The following EFL1 variants were observed in gnomAD, a reference collection of about 807,000 sequenced individuals.
EFL1 encodes elongation factor like GTPase 1.
Under a neutral mutation model 126.7 loss-of-function variants are expected in EFL1, and 76 were observed. The observed-to-expected ratio is 0.60, with a 90% CI of 0.50 to 0.73. The LOEUF (loss-of-function observed/expected upper bound fraction) is 0.73. Among genes scored for constraint, EFL1 ranks in the 30% least tolerant of loss-of-function variants. The probability of loss-of-function intolerance (pLI) is 0.00; values close to 1 mark genes in which losing one functional copy is unlikely to be tolerated. For missense variants in EFL1, 1,128 were observed against 1,343.2 expected (o/e 0.84, Z 2.50); for synonymous variants, 410 against 448.4 (o/e 0.91, Z 1.08).
At chr15:82,211,555 C>CACACAT (rs1285843609) in intron 15 of EFL1, among the ~76,000 whole-genome samples, 1 of 126,408 alleles carries the variant, frequency 7.9e-6, no homozygotes, top group African/African-American at 3.0e-5. Flanking sequence ...TATATACACA[C>CACACAT]ACACACACAC....
At chr15:82,221,760 G>A (rs2141305029) in intron 12 of EFL1, among the ~76,000 whole-genome samples, 1 of 152,340 alleles carries the variant, frequency 6.6e-6, no homozygotes, top group South Asian at 2.1e-4. Flanking sequence ...CACTGCAAGA[G>A]ACAAGCTCCT....
chr15:82,205,784 C>T (rs188042600), intron 15 of EFL1, among the ~76,000 whole-genome samples: 1 of 152,296 alleles, frequency 6.6e-6, no homozygotes, highest in East Asian at 1.9e-4. Flanking sequence ...TGTTCTTATA[C>T]AATATCTATG....
At chr15:82,165,047 A>G (rs933630216) in intron 15 of EFL1, among the ~76,000 whole-genome samples, 1 of 152,134 alleles carries the variant, frequency 6.6e-6, no homozygotes, top group Non-Finnish European at 1.5e-5. Context: ...GAAGTCAAGG[A>G]GGATCACTTG....
chr15:82,211,305 T>C (rs1318739294), intron 15 of EFL1, among the ~76,000 whole-genome samples: 2 of 151,250 alleles, frequency 1.3e-5, no homozygotes, highest in Non-Finnish European at 3.0e-5. Context: ...GGCAGGCAGA[T>C]CATGAGGTCA....
At chr15:82,228,142 C>CTAGCTT (rs2074783527) in intron 10 of EFL1, 49 bp downstream of exon 10, 1 of 1,546,026 alleles carries the variant, frequency 6.5e-7, no homozygotes, top group Admixed American at 2.2e-5. Context: ...ATTGTTTTTT[C>CTAGCTT]TAGCTTTATC....
chr15:82,212,466 C>A (rs1287795034), intron 15 of EFL1, among the ~76,000 whole-genome samples: 1 of 152,232 alleles, frequency 6.6e-6, no homozygotes, highest in Non-Finnish European at 1.5e-5. Context: ...TTGGTATACT[C>A]ATGCTTCCTA....
At chr15:82,194,137 T>C (rs867056967) in intron 15 of EFL1, among the ~76,000 whole-genome samples, 25 of 152,304 alleles carry the variant, frequency 1.6e-4, no homozygotes, top group African/African-American at 5.8e-4. Flanking sequence ...TTTCCACAGC[T>C]GGGTTTGGTC....
At chr15:82,256,603 A>T (rs1233303465) in intron 3 of EFL1, among the ~76,000 whole-genome samples, 1 of 152,250 alleles carries the variant, frequency 6.6e-6, no homozygotes. Context: ...TTCATCATTA[A>T]GTTCAATCTT....
chr15:82,214,266 T>C (rs28715426), intron 15 of EFL1, among the ~76,000 whole-genome samples: 18,868 of 152,210 alleles, frequency 0.12, 2,398 homozygotes, highest in African/African-American at 0.32. Context: ...TTTACAGATA[T>C]AAACGACGAT....
chr15:82,220,474 G>A (rs1446633078), intron 12 of EFL1, among the ~76,000 whole-genome samples: 1 of 152,152 alleles, frequency 6.6e-6, no homozygotes, highest in Non-Finnish European at 1.5e-5. Flanking sequence ...CTGGAGCAAT[G>A]TACAATAGTA....
At chr15:82,210,217 C>G (rs1883142598) in intron 15 of EFL1, among the ~76,000 whole-genome samples, 1 of 152,126 alleles carries the variant, frequency 6.6e-6, no homozygotes, top group Admixed American at 6.5e-5. Flanking sequence ...AAAACATAGC[C>G]ACAAATACTT....
intron 15 of EFL1, among the ~76,000 whole-genome samples, chr15:82,204,912 A>G (rs2074508415): frequency 6.6e-6 from 1 of 152,192 alleles, no homozygotes; most frequent in African/African-American, 2.4e-5. Context: ...TCTATTCATT[A>G]TTATGTGCAA....
chr15:82,225,351 T>G (rs887269286), intron 11 of EFL1, 87 bp from the exon 12 acceptor site: 27 of 1,036,258 alleles, frequency 2.6e-5, no homozygotes, highest in Non-Finnish European at 3.5e-5. Flanking sequence ...TTAAAATGTT[T>G]AGAACATGGA....
intron 17 of EFL1, among the ~76,000 whole-genome samples, chr15:82,153,370 C>A (rs1193132394): frequency 6.6e-6 from 1 of 151,908 alleles, no homozygotes; most frequent in Non-Finnish European, 1.5e-5. Flanking sequence ...AGTATATATA[C>A]ACAAAACTGC....
intron 15 of EFL1, among the ~76,000 whole-genome samples, chr15:82,209,752 T>C (rs1195292279): frequency 6.6e-6 from 1 of 152,234 alleles, no homozygotes; most frequent in African/African-American, 2.4e-5. Context: ...AAATCAACTA[T>C]TTCCAGACCA....
rs866236224 is a variant in EFL1, at chr15:82,238,280, G to T, written c.731+27C>A. The T allele has an allele frequency of 8.7e-6, 14 of 1,606,832 alleles. No individual in the cohort carries two copies. The African/African-American group carries it at 1.6e-4, about 18-fold the overall frequency. ...CAACTGCATATAAAATCTGCAAAGA[G>T]ATTTAATCAGATGCAAACAGACTTA... is the stretch of plus-strand genomic sequence containing the variant. On this transcript the variant is annotated intron_variant, in intron 7 of 19. Transcript: ENST00000268206.
At chr15:82,253,304 T>G (rs1022856761) in intron 3 of EFL1, among the ~76,000 whole-genome samples, 15 of 151,682 alleles carry the variant, frequency 9.9e-5, no homozygotes, top group African/African-American at 3.6e-4. Flanking sequence ...TCTCCCAAAG[T>G]GCTGGCATTA....
At chr15:82,199,595 A>G (rs1173968409) in intron 15 of EFL1, among the ~76,000 whole-genome samples, 2 of 152,244 alleles carry the variant, frequency 1.3e-5, no homozygotes, top group African/African-American at 4.8e-5. Context: ...AGAACAACAT[A>G]ATGCTGGGTT....
intron 15 of EFL1, among the ~76,000 whole-genome samples, chr15:82,199,501 G>C (rs2074445003): frequency 6.6e-6 from 1 of 152,212 alleles, no homozygotes; most frequent in South Asian, 2.1e-4. Flanking sequence ...TATGAAAATG[G>C]AAAAGGCTAC....
Sources: gnomAD v4.1 joint callset for allele counts (sites outside exome capture counted in the v4.1 genomes callset) on GRCh38, gnomAD v4.1.1 for gene constraint, MANE v1.5 for transcripts, NCBI Gene and HGNC (gene_info 2026-07-23, HGNC 2026-07-21) for gene names.